Variants in BNC2 observed in about 807,000 individuals in gnomAD.
BNC2 encodes the protein basonuclin zinc finger protein 2.
BNC2 carries 20 observed loss-of-function variants against 76.3 expected under a neutral mutation model. The observed-to-expected ratio is 0.26, with a 90% CI of 0.18 to 0.38. BNC2 has a LOEUF of 0.38. Among genes scored for constraint, BNC2 ranks in the 10% least tolerant of loss-of-function variants. The probability of loss-of-function intolerance (pLI) is 1.00; values close to 1 mark genes in which losing one functional copy is unlikely to be tolerated. For missense variants in BNC2, 1,382 were observed against 1,399.8 expected (o/e 0.99, Z 0.20); for synonymous variants, 582 against 514.8 (o/e 1.13, Z -1.77).
At chr9:16,602,737 T>A (rs760798116) in intron 3 of BNC2, among the ~76,000 whole-genome samples, 1 of 152,162 alleles carries the variant, frequency 6.6e-6, no homozygotes, top group Non-Finnish European at 1.5e-5. Context: ...ACCCATTAGG[T>A]GGAAATGACT....
chr9:16,759,178 TAAGA>T (rs1315877105), intron 1 of BNC2, among the ~76,000 whole-genome samples: 2 of 152,182 alleles, frequency 1.3e-5, no homozygotes, highest in African/African-American at 2.4e-5. Flanking sequence ...ACTTCTATAA[TAAGA>T]AAGATATGAT....
At chr9:16,599,676 C>G (rs1255933471) in intron 3 of BNC2, among the ~76,000 whole-genome samples, 1 of 152,068 alleles carries the variant, frequency 6.6e-6, no homozygotes, top group African/African-American at 2.4e-5. Flanking sequence ...CCCAGCTACT[C>G]GGGAGGCTGA....
chr9:16,865,496 T>C (rs1321706401), intron 1 of BNC2, among the ~76,000 whole-genome samples: 1 of 152,198 alleles, frequency 6.6e-6, no homozygotes. Context: ...TAATTGTAAG[T>C]GATTGCAACT....
intron 1 of BNC2, among the ~76,000 whole-genome samples, chr9:16,819,109 T>C (rs1818252896): frequency 6.6e-6 from 1 of 152,052 alleles, no homozygotes; most frequent in South Asian, 2.1e-4. Flanking sequence ...AGAAGTGAGG[T>C]GAAGTCAACC....
At chr9:16,616,790 GGGAAGGAAGGAA>G (rs548575000) in intron 3 of BNC2, among the ~76,000 whole-genome samples, 2 of 10,338 alleles carry the variant, frequency 1.9e-4, no homozygotes, top group African/African-American at 3.0e-4. Context: ...GGAGGAAGGA[GGGAAGGAAGGAA>G]GGAAGGAAGG....
intron 3 of BNC2, among the ~76,000 whole-genome samples, chr9:16,594,998 T>C (rs980261303): frequency 6.6e-6 from 1 of 152,086 alleles, no homozygotes; most frequent in African/African-American, 2.4e-5. Flanking sequence ...AAAGTGAAAA[T>C]GCTAAGTAAG....
At chr9:16,481,355 C>G (rs373292067) in intron 5 of BNC2, among the ~76,000 whole-genome samples, 1 of 152,068 alleles carries the variant, frequency 6.6e-6, no homozygotes, top group Non-Finnish European at 1.5e-5. Context: ...TTTGTTCTTT[C>G]GCTCCTTGCA....
intron 3 of BNC2, among the ~76,000 whole-genome samples, chr9:16,710,631 T>C (rs1823809925): frequency 6.6e-6 from 1 of 152,106 alleles, no homozygotes. Flanking sequence ...AGAGTAGGAT[T>C]TGTTCTATCC....
chr9:16,596,512 C>T (rs1019000385), intron 3 of BNC2, among the ~76,000 whole-genome samples: 1 of 152,292 alleles, frequency 6.6e-6, no homozygotes, highest in Non-Finnish European at 1.5e-5. Flanking sequence ...TACCTCTTTA[C>T]ACCATTTGTT....
chr9:16,728,113 G>A (rs375750769), intron 2 of BNC2, 116 bp from the exon 3 acceptor site: 2 of 701,066 alleles, frequency 2.9e-6, no homozygotes, highest in African/African-American at 3.6e-5. Context: ...ATTTGGGGGA[G>A]GGAGGGGGTC....
intron 3 of BNC2, among the ~76,000 whole-genome samples, chr9:16,620,984 T>C (rs1402688953): frequency 6.6e-6 from 1 of 152,202 alleles, no homozygotes; most frequent in East Asian, 1.9e-4. Flanking sequence ...CACAATGTTA[T>C]CTGGTTCCGC....
intron 5 of BNC2, among the ~76,000 whole-genome samples, chr9:16,483,183 AT>A (rs1822095344): frequency 1.3e-5 from 2 of 152,330 alleles, no homozygotes; most frequent in East Asian, 3.9e-4. Context: ...TTATACCATA[AT>A]GTAACTTGAT....
chr9:16,524,525 T>C (rs1438602615), intron 5 of BNC2, among the ~76,000 whole-genome samples: 1 of 152,142 alleles, frequency 6.6e-6, no homozygotes, highest in African/African-American at 2.4e-5. Flanking sequence ...TTATTCTAAA[T>C]ACACATTCAG....
rs574155483 is a variant in BNC2, at chr9:16,659,539, C to A, written c.330+68258G>T. 6.1e-5 allele frequency among the ~76,000 whole-genome samples: 9 copies of A among 146,474 alleles called. No homozygotes were observed. In the East Asian group the frequency reaches 8.1e-4, roughly 13 times the overall value. ...AGGAGAATCGCTTGAACCCAGGAGG[C>A]GGAAATTGAAGTTAGCCGAGATTGC... is the stretch of plus-strand genomic sequence containing the variant. On this transcript the variant is annotated intron_variant, in intron 3 of 6. Transcript: ENST00000380672.
At chr9:16,497,977 T>TGG (rs751858991) in intron 5 of BNC2, among the ~76,000 whole-genome samples, 15 of 64,704 alleles carry the variant, frequency 2.3e-4, no homozygotes, top group East Asian at 6.2e-4. Flanking sequence ...AAAGAAACTG[T>TGG]GGTGTGTGTG....
At chr9:16,658,260 C>A (rs1047110466) in intron 3 of BNC2, among the ~76,000 whole-genome samples, 1 of 130,810 alleles carries the variant, frequency 7.6e-6, no homozygotes, top group Non-Finnish European at 1.6e-5. Flanking sequence ...AGTGTTTTTG[C>A]AGTAATCTCA....
At chr9:16,502,607 G>C (rs574674529) in intron 5 of BNC2, among the ~76,000 whole-genome samples, 1 of 152,040 alleles carries the variant, frequency 6.6e-6, no homozygotes, top group African/African-American at 2.4e-5. Flanking sequence ...ATATCATTCT[G>C]CACTTAGCTT....
intron 5 of BNC2, among the ~76,000 whole-genome samples, chr9:16,520,143 C>T (rs567919708): frequency 2.4e-4 from 37 of 152,314 alleles, no homozygotes; most frequent in Non-Finnish European, 4.3e-4. Context: ...TTCCAGGAGG[C>T]CTACGAGGAA....
At chr9:16,480,675 T>C (rs1183797103) in intron 5 of BNC2, among the ~76,000 whole-genome samples, 1 of 152,224 alleles carries the variant, frequency 6.6e-6, no homozygotes, top group Admixed American at 6.5e-5. Context: ...GAGGGTGTAC[T>C]GGGTCCCCCA....
Sources: gnomAD v4.1 joint callset for allele counts (sites outside exome capture counted in the v4.1 genomes callset) on GRCh38, gnomAD v4.1.1 for gene constraint, MANE v1.5 for transcripts, NCBI Gene and HGNC (gene_info 2026-07-23, HGNC 2026-07-21) for gene names.